The following PPP1R9A variants were observed in gnomAD, a reference collection of about 807,000 sequenced individuals.
PPP1R9A encodes the protein neurabin-1.
PPP1R9A carries 59 observed loss-of-function variants against 141.9 expected under a neutral mutation model. That is an observed-to-expected ratio of 0.42 (90% CI 0.34 to 0.52). The LOEUF (loss-of-function observed/expected upper bound fraction) is 0.52, where lower values mean the gene tolerates loss of function less well. Among genes scored for constraint, PPP1R9A ranks in the 20% least tolerant of loss-of-function variants. The pLI is 0.10. For missense variants in PPP1R9A, 1,444 were observed against 1,611.9 expected, an observed-to-expected ratio of 0.90 and a Z score of 1.78; for synonymous variants, 500 against 569.7, an observed-to-expected ratio of 0.88 and a Z score of 1.74.
At chr7:95,099,918 A>C (rs1818534486) in intron 2 of PPP1R9A, among the ~76,000 whole-genome samples, 1 of 152,148 alleles carries the variant, frequency 6.6e-6, no homozygotes, top group South Asian at 2.1e-4. Context: ...ACTTAATCTT[A>C]TTTCATTAAT....
At chr7:95,102,345 A>G (rs982632328) in intron 2 of PPP1R9A, among the ~76,000 whole-genome samples, 15 of 152,204 alleles carry the variant, frequency 9.9e-5, no homozygotes, top group African/African-American at 3.6e-4. Flanking sequence ...CTTTTAGTTA[A>G]CTTACCATCA....
chr7:95,013,682 GTGCTTATTAATTAA>G, intron 2 of PPP1R9A, among the ~76,000 whole-genome samples: 2 of 152,174 alleles, frequency 1.3e-5, no homozygotes, highest in Middle Eastern at 6.8e-3. Flanking sequence ...ATTAGTGCTT[GTGCTTATTAATTAA>G]GAAATTATTT....
intron 18 of PPP1R9A, chr7:95,286,985 T>C: frequency 9.9e-7 from 1 of 1,012,232 alleles, no homozygotes; most frequent in Non-Finnish European, 1.4e-6. Flanking sequence ...TCTTGTAAGC[T>C]TTTCTGCCCG....
intron 5 of PPP1R9A, among the ~76,000 whole-genome samples, chr7:95,173,271 G>C (rs1832410705): frequency 6.6e-6 from 1 of 151,830 alleles, no homozygotes; most frequent in Admixed American, 6.6e-5. Context: ...ATACACTGGG[G>C]ACTCTAAAAG....
chr7:95,222,242 T>C (rs917806721), intron 7 of PPP1R9A, among the ~76,000 whole-genome samples: 10 of 152,008 alleles, frequency 6.6e-5, no homozygotes, highest in Non-Finnish European at 1.3e-4. Context: ...CATTAAAAAA[T>C]ATATTCCCAA....
intron 2 of PPP1R9A, chr7:95,098,218 G>A (rs1366778609): frequency 6.6e-6 from 1 of 152,158 alleles, no homozygotes; most frequent in African/African-American, 2.4e-5. Context: ...CATATGGAAG[G>A]ATCACCATAG....
At chr7:95,205,905 A>C (rs1253775238) in intron 7 of PPP1R9A, among the ~76,000 whole-genome samples, 1 of 152,110 alleles carries the variant, frequency 6.6e-6, no homozygotes, top group Non-Finnish European at 1.5e-5. Flanking sequence ...AGAGTCCATG[A>C]ATTTGCAAGA....
chr7:95,108,728 C>T lies in PPP1R9A; in HGVS notation c.1396-2531C>T, dbSNP rs185420455. ...TCTCAAATGAACTTTATAAACTAGC[C>T]CGAATAGGGAAGAACATTCTGATAT... On this transcript the variant is annotated intron_variant, in intron 2 of 19. Transcript: ENST00000433360. 219 of 151,410 alleles carry T rather than the reference C, an allele frequency of 1.4e-3. 1 individual carries two copies. Among genetic ancestry groups the T allele is most frequent in the African/African-American group, 5.1e-3 (211 of 41,208 alleles). 9.4% of individuals were successfully genotyped at this position (151,410 alleles called of 1,614,324 possible).
chr7:95,138,221 C>T (rs183416139), intron 4 of PPP1R9A, among the ~76,000 whole-genome samples: 14 of 152,222 alleles, frequency 9.2e-5, no homozygotes, highest in African/African-American at 1.7e-4. Flanking sequence ...CATGAGCCAC[C>T]GCGCCCGGCC....
rs1264810969 is a variant in PPP1R9A, at chr7:94,994,941, TAAG to T, written c.1395+83434_1395+83436del. ...CAAAACCCAAATTGCTTTTTCAAGGTAAGCCAAATTTGCATTTTTGGGATAAAA... is the reference window on the plus strand; with the variant it reads ...CAAAACCCAAATTGCTTTTTCAAGGTCCAAATTTGCATTTTTGGGATAAAA... On this transcript the variant is annotated intron_variant, in intron 2 of 19. Transcript: ENST00000433360. Among the ~76,000 whole-genome samples the T allele has an allele frequency of 2.6e-5, 4 of 151,858 alleles. No individual in the cohort carries two copies. The East Asian group carries it at 7.7e-4, about 29-fold the overall frequency.
chr7:95,153,354 TATTGATATAAAA>T (rs1470810810), intron 4 of PPP1R9A, among the ~76,000 whole-genome samples: 1 of 152,192 alleles, frequency 6.6e-6, no homozygotes, highest in Non-Finnish European at 1.5e-5. Context: ...AAAATGTAAT[TATTGATATAAAA>T]CATTGTTAGA....
At chr7:95,072,709 ATATAT>A (rs1403518402) in intron 2 of PPP1R9A, among the ~76,000 whole-genome samples, 52 of 113,330 alleles carry the variant, frequency 4.6e-4, no homozygotes, top group South Asian at 1.9e-3. Flanking sequence ...ATAATATATA[ATATAT>A]TATATGTATA....
chr7:95,139,333 A>C (rs1284100209), intron 4 of PPP1R9A, among the ~76,000 whole-genome samples: 1 of 152,184 alleles, frequency 6.6e-6, no homozygotes, highest in Non-Finnish European at 1.5e-5. Context: ...TCACGAGAAC[A>C]GTATGGAGGA....
intron 2 of PPP1R9A, among the ~76,000 whole-genome samples, chr7:95,100,245 C>T (rs1311606705): frequency 2.0e-5 from 3 of 151,926 alleles, no homozygotes; most frequent in Non-Finnish European, 4.4e-5. Context: ...CATAGCAAGA[C>T]CCTGTCTCTA....
chr7:94,987,748 A>T (rs1346653803), intron 2 of PPP1R9A, among the ~76,000 whole-genome samples: 1 of 152,138 alleles, frequency 6.6e-6, no homozygotes, highest in Non-Finnish European at 1.5e-5. Flanking sequence ...CTTTAAAAAG[A>T]TGTTCTCTTC....
At chr7:94,919,301 A>ATTTTTTTTTTTTTTTTTTTTTTTT in intron 2 of PPP1R9A, among the ~76,000 whole-genome samples, 1 of 106,198 alleles carries the variant, frequency 9.4e-6, no homozygotes, top group African/African-American at 3.5e-5. Context: ...GGATAATTAC[A>ATTTTTTTTTTTTTTTTTTTTTTTT]TTTTTTTTTT....
chr7:94,994,477 A>G (rs574120739), intron 2 of PPP1R9A, among the ~76,000 whole-genome samples: 1 of 152,214 alleles, frequency 6.6e-6, no homozygotes, highest in Non-Finnish European at 1.5e-5. Context: ...CTGGATTTTT[A>G]AAAAATGTAC....
At chr7:95,287,254 GT>G in intron 18 of PPP1R9A, 1 of 1,220,368 alleles carries the variant, frequency 8.2e-7, no homozygotes, top group South Asian at 1.2e-5. Context: ...GTAGTGAAGG[GT>G]TTCCTTGTGT....
intron 2 of PPP1R9A, among the ~76,000 whole-genome samples, chr7:95,082,900 C>T (rs893429934): frequency 1.3e-4 from 19 of 150,990 alleles, no homozygotes; most frequent in Non-Finnish European, 2.5e-4. Context: ...GGACTACAGG[C>T]GCCCACCACC....
Sources: gnomAD v4.1 joint callset for allele counts (sites outside exome capture counted in the v4.1 genomes callset) on GRCh38, gnomAD v4.1.1 for gene constraint, MANE v1.5 for transcripts, NCBI Gene and HGNC (gene_info 2026-07-23, HGNC 2026-07-21) for gene names.